PPIP5K2: variants seen among roughly 807,000 people sequenced by gnomAD.
PPIP5K2 encodes inositol hexakisphosphate and diphosphoinositol-pentakisphosphate kinase 2.
A neutral mutation model predicts 154.6 loss-of-function variants in PPIP5K2; 105 were observed. The observed-to-expected ratio is 0.68, with a 90% CI of 0.58 to 0.80. The LOEUF (loss-of-function observed/expected upper bound fraction) is 0.80, where lower values mean the gene tolerates loss of function less well. PPIP5K2 is among the 30% of genes least tolerant of loss of function. The probability of loss-of-function intolerance (pLI) is 0.00; values close to 1 mark genes in which losing one functional copy is unlikely to be tolerated. For missense variants in PPIP5K2, 992 were observed against 1,504.6 expected (o/e 0.66, Z 5.64); for synonymous variants, 480 against 490.3 (o/e 0.98, Z 0.28).
At chr5:103,184,126 G>T (rs1799991409) in intron 25 of PPIP5K2, 1 of 152,238 alleles carries the variant, frequency 6.6e-6, no homozygotes. Context: ...TACATTGGAA[G>T]GTCTACTGTC....
rs1259042793 is a variant in PPIP5K2, at chr5:103,151,381, A to G, written c.1028+7A>G. The G allele has an allele frequency of 5.7e-6, 9 of 1,582,332 alleles. No homozygotes were observed. Among genetic ancestry groups the G allele is most frequent in the Non-Finnish European group, 7.7e-6 (9 of 1,161,942 alleles). On this transcript the variant is annotated splice_region_variant and intron_variant, in intron 9 of 30. Coordinates refer to ENST00000358359, the MANE Select transcript of PPIP5K2 (RefSeq NM_001276277.3). ...ACTGTGCAAAAATACTTGGGTAAGA[A>G]TTTTTAAATTTTTCTTTTTACCTTC...
chr5:103,142,612 A>G (rs1310457557), intron 5 of PPIP5K2, among the ~76,000 whole-genome samples: 1 of 152,110 alleles, frequency 6.6e-6, no homozygotes, highest in Non-Finnish European at 1.5e-5. Context: ...GTCTCTACTA[A>G]AAATACAAAA....
At position 103,207,651 on chromosome 5, in the gene PPIP5K2, C is replaced by G. The variant is rs1237351079; in HGVS notation, c.*6017C>G. The G allele has an allele frequency of 6.6e-6, 1 of 152,022 alleles. No homozygotes were observed. The highest frequency in any genetic ancestry group is 2.4e-5 in the African/African-American group (1 of 41,422). The allele number at this position is 152,022 out of a possible 1,614,324, so 9.4% of individuals were successfully genotyped here. On this transcript the variant is annotated 3_prime_UTR_variant, in exon 31 of 31. Coordinates refer to ENST00000358359, the MANE Select transcript of PPIP5K2 (RefSeq NM_001276277.3). ...ATATCCAATTAGTGTATTTTTTCCT[C>G]TACTGCACAGTTTTGGTTGATTATT...
intron 5 of PPIP5K2, among the ~76,000 whole-genome samples, chr5:103,141,696 G>C (rs1554206823): frequency 6.6e-6 from 1 of 152,118 alleles, no homozygotes; most frequent in Non-Finnish European, 1.5e-5. Context: ...GTGTCGATTG[G>C]TGCATTCACA....
chr5:103,163,714 A>C (rs1347723812), intron 17 of PPIP5K2, among the ~76,000 whole-genome samples: 1 of 151,996 alleles, frequency 6.6e-6, no homozygotes, highest in African/African-American at 2.4e-5. Context: ...TTTCCATTAT[A>C]AAAACGTACT....
chr5:103,151,723 C>T (rs1794673235), intron 9 of PPIP5K2, among the ~76,000 whole-genome samples: 1 of 152,024 alleles, frequency 6.6e-6, no homozygotes, highest in African/African-American at 2.4e-5. Context: ...ACAAAATTAA[C>T]ATTCATGAAA....
chr5:103,127,230 A>G (rs369748564), intron 1 of PPIP5K2, among the ~76,000 whole-genome samples: 1 of 152,218 alleles, frequency 6.6e-6, no homozygotes, highest in Admixed American at 6.5e-5. Context: ...ATATTCATGT[A>G]TGTATACATA....
intron 30 of PPIP5K2, among the ~76,000 whole-genome samples, chr5:103,200,327 T>C (rs782101388): frequency 6.6e-6 from 1 of 152,108 alleles, no homozygotes; most frequent in East Asian, 1.9e-4. Context: ...CTGCTTCTTA[T>C]GTTGGACTTG....
rs1434172641 is a variant in PPIP5K2 at position 103,146,603 on chromosome 5, A to G, written c.564A>G (p.Pro188=). 1.2e-6 allele frequency: 2 copies of G among 1,612,710 alleles called. No homozygotes were observed. The highest frequency in any genetic ancestry group is 2.2e-5 in the East Asian group (1 of 44,786). Residue 188 remains proline, a synonymous_variant, in exon 6 of 31, where the codon CCA becomes CCG. Transcript: ENST00000358359. ...EVFQKPFVEK[P]VSAEDHNVYI... Reference sequence around the variant, plus strand: ...TTCAAAAGCCATTTGTAGAAAAGCCAGTCAGTGCAGAAGATCACAATGTTT... The same window carrying G: ...TTCAAAAGCCATTTGTAGAAAAGCCGGTCAGTGCAGAAGATCACAATGTTT...
intron 19 of PPIP5K2, among the ~76,000 whole-genome samples, chr5:103,171,680 A>G (rs966775779): frequency 5.9e-5 from 9 of 151,744 alleles, no homozygotes; most frequent in Admixed American, 5.9e-4. Context: ...AAAAATTACT[A>G]TAACATTACC....
intron 25 of PPIP5K2, among the ~76,000 whole-genome samples, 156 bp downstream of exon 25, chr5:103,183,563 C>T (rs1799909307): frequency 6.6e-6 from 1 of 151,902 alleles, no homozygotes; most frequent in Non-Finnish European, 1.5e-5. Context: ...ATGATATCTG[C>T]CAATATTCAA....
intron 1 of PPIP5K2, among the ~76,000 whole-genome samples, chr5:103,125,407 C>A (rs1789483323): frequency 6.6e-6 from 1 of 151,540 alleles, no homozygotes; most frequent in South Asian, 2.1e-4. Context: ...AGGTTTTAAA[C>A]CCAGGTATTT....
At position 103,170,853 on chromosome 5, in the gene PPIP5K2, A is replaced by G. The variant is rs1234694097; in HGVS notation, c.2287-2302A>G. Among the ~76,000 whole-genome samples the G allele has an allele frequency of 3.3e-5, 5 of 151,570 alleles. No individual in the cohort carries two copies. In the East Asian group the frequency reaches 9.6e-4, roughly 29 times the overall value. On this transcript the variant is annotated intron_variant, in intron 19 of 30. Coordinates refer to ENST00000358359, the MANE Select transcript of PPIP5K2 (RefSeq NM_001276277.3). ...GTAATGGAAAAAAATAAAATTTTGCATACATAGTTCTCAAGCAAATAATAT... is the reference window on the plus strand; with the variant it reads ...GTAATGGAAAAAAATAAAATTTTGCGTACATAGTTCTCAAGCAAATAATAT...
chr5:103,193,417 G>A (rs964126092), intron 29 of PPIP5K2, among the ~76,000 whole-genome samples: 1 of 151,856 alleles, frequency 6.6e-6, no homozygotes, highest in African/African-American at 2.4e-5. Context: ...GTTAATCATT[G>A]TCTGTCCTTC....
At chr5:103,186,299 A>AT in intron 26 of PPIP5K2, 21 bp from the exon 27 acceptor site, 1 of 1,613,076 alleles carries the variant, frequency 6.2e-7, no homozygotes, top group East Asian at 2.2e-5. Context: ...TTGTGTATGT[A>AT]TTTTCTCTAA....
intron 3 of PPIP5K2, 63 bp downstream of exon 3, chr5:103,133,711 A>T: frequency 7.6e-7 from 1 of 1,309,172 alleles, no homozygotes; most frequent in Non-Finnish European, 1.0e-6. Flanking sequence ...AATACATATT[A>T]ATTGTAGACT....
chr5:103,164,723 A>G (rs1223818648), intron 17 of PPIP5K2, among the ~76,000 whole-genome samples: 6 of 152,064 alleles, frequency 3.9e-5, no homozygotes, highest in Admixed American at 3.9e-4. Flanking sequence ...TTCAGTGGAT[A>G]TATTGGTCCA....
chr5:103,146,117 G>GA (rs1430151861), intron 5 of PPIP5K2, among the ~76,000 whole-genome samples: 5 of 152,106 alleles, frequency 3.3e-5, no homozygotes, highest in African/African-American at 1.2e-4. Context: ...CTTTCTAATT[G>GA]AATTGCTGGC....
chr5:103,153,963 G>T (rs782339305), intron 11 of PPIP5K2, 29 bp downstream of exon 11: 1 of 1,468,680 alleles, frequency 6.8e-7, no homozygotes, highest in Admixed American at 2.0e-5. Flanking sequence ...AATTTAACAT[G>T]CATGATACAA....
Sources: gnomAD v4.1 joint callset for allele counts (sites outside exome capture counted in the v4.1 genomes callset) on GRCh38, gnomAD v4.1.1 for gene constraint, MANE v1.5 for transcripts, NCBI Gene and HGNC (gene_info 2026-07-23, HGNC 2026-07-21) for gene names.